The following FZD3 variants were observed in gnomAD, a reference collection of about 807,000 sequenced individuals.
The protein encoded by FZD3 is frizzled class receptor 3, also known as frizzled-3.
A neutral mutation model predicts 60.7 loss-of-function variants in FZD3; 30 were observed. That is an observed-to-expected ratio of 0.49 (90% CI 0.37 to 0.67). The LOEUF is 0.67. Among genes scored for constraint, FZD3 ranks in the 30% least tolerant of loss-of-function variants. The probability of loss-of-function intolerance (pLI) is 0.00; values close to 1 mark genes in which losing one functional copy is unlikely to be tolerated. For synonymous variants in FZD3, 246 were observed against 275.2 expected (o/e 0.89, Z 1.05); for missense variants, 605 against 838.7 (o/e 0.72, Z 3.44).
At chr8:28,554,158 A>G (rs1805462968) in intron 6 of FZD3, among the ~76,000 whole-genome samples, 1 of 152,216 alleles carries the variant, frequency 6.6e-6, no homozygotes, top group African/African-American at 2.4e-5. Flanking sequence ...ATAGATTTAA[A>G]TATTTTTAGA....
chr8:28,529,635 A>C (rs866805067), intron 5 of FZD3, among the ~76,000 whole-genome samples: 7 of 152,274 alleles, frequency 4.6e-5, no homozygotes, highest in African/African-American at 1.2e-4. Flanking sequence ...GATCACTGAG[A>C]ATGCCAATTT....
At chr8:28,542,166 G>A (rs1030210401) in intron 5 of FZD3, among the ~76,000 whole-genome samples, 7 of 136,518 alleles carry the variant, frequency 5.1e-5, no homozygotes, top group East Asian at 4.4e-4. Flanking sequence ...CTTTGACTTC[G>A]TCTCCTACCA....
At chr8:28,552,780 C>G (rs768895103) in intron 6 of FZD3, among the ~76,000 whole-genome samples, 51 of 151,968 alleles carry the variant, frequency 3.4e-4, no homozygotes, top group Non-Finnish European at 6.9e-4. Flanking sequence ...ATATTAACAT[C>G]ACAGTTTAAT....
intron 3 of FZD3, among the ~76,000 whole-genome samples, chr8:28,504,048 C>T (rs1804071684): frequency 6.6e-6 from 1 of 152,170 alleles, no homozygotes; most frequent in African/African-American, 2.4e-5. Flanking sequence ...TGATACATTA[C>T]TCTTCAGCCT....
In FZD3 at chr8:28,551,724, GT is replaced by G. The variant is rs1563404339; in HGVS notation, c.1533del (p.His512MetfsTer8). Reference protein sequence around the residue: ...GSKKTCFEWASFFHGRRKKEI... With the variant: ...GSKKTCFEWAXFFHGRRKKEI... ...AAAAAGACATGCTTTGAATGGGCCA[GT>G]TTTTTTCATGGTCGTAGGAAAAAAG... On this transcript the variant is annotated frameshift_variant, in exon 6 of 8. Coordinates refer to ENST00000240093, the MANE Select transcript of FZD3 (RefSeq NM_017412.4). LOFTEE classifies it high-confidence loss of function. 1 of 1,609,980 alleles carries G rather than the reference GT, an allele frequency of 6.2e-7. No homozygotes were observed.
At chr8:28,547,705 G>T (rs1805326610) in intron 5 of FZD3, among the ~76,000 whole-genome samples, 1 of 152,068 alleles carries the variant, frequency 6.6e-6, no homozygotes, top group Non-Finnish European at 1.5e-5. Flanking sequence ...TTTTTTAGTT[G>T]TAGGAGTTTA....
chr8:28,552,262 A>G lies in FZD3; in HGVS notation c.1553+511A>G, dbSNP rs1328775139. On this transcript the variant is annotated intron_variant, in intron 6 of 7. Transcript: ENST00000240093. ...TGTACCAAAAGTGATATAAAGAAATACTCTTATTCCATTCTAATATAGTAC... is the reference window on the plus strand; with the variant it reads ...TGTACCAAAAGTGATATAAAGAAATGCTCTTATTCCATTCTAATATAGTAC... Among the ~76,000 whole-genome samples, 7 of 152,158 alleles carry G rather than the reference A, an allele frequency of 4.6e-5. No homozygotes were observed. In the South Asian group the frequency reaches 1.2e-3, roughly 27 times the overall value.
At chr8:28,548,810 AAATC>A (rs1563403192) in intron 5 of FZD3, among the ~76,000 whole-genome samples, 1 of 152,216 alleles carries the variant, frequency 6.6e-6, no homozygotes, top group Non-Finnish European at 1.5e-5. Flanking sequence ...TTTAATAACT[AAATC>A]AAGGAGAATC....
intron 3 of FZD3, among the ~76,000 whole-genome samples, chr8:28,516,811 C>T (rs191524240): frequency 6.6e-6 from 1 of 151,272 alleles, no homozygotes; most frequent in African/African-American, 2.4e-5. Flanking sequence ...GTTTGTTTTC[C>T]TCTCTGTTAC....
intron 1 of FZD3, among the ~76,000 whole-genome samples, chr8:28,497,113 C>G (rs961383743): frequency 6.6e-6 from 1 of 152,062 alleles, no homozygotes; most frequent in Non-Finnish European, 1.5e-5. Context: ...TGATGCCTAC[C>G]ATTCGTTTAA....
intron 3 of FZD3, among the ~76,000 whole-genome samples, chr8:28,518,084 C>T (rs181539349): frequency 1.2e-3 from 190 of 152,250 alleles, no homozygotes; most frequent in African/African-American, 3.7e-3. Context: ...GTCTCCCAGG[C>T]TGAATGTAGT....
rs771004021 is a variant in FZD3, at chr8:28,565,089, G to A, written c.*2078G>A. The A allele has an allele frequency of 3.3e-5, 5 of 151,998 alleles. No homozygotes were observed. Among genetic ancestry groups the A allele is most frequent in the Non-Finnish European group, 7.4e-5 (5 of 67,984 alleles). 9.4% of individuals were successfully genotyped at this position (151,998 alleles called of 1,614,324 possible). On this transcript the variant is annotated 3_prime_UTR_variant, in exon 8 of 8. Transcript: ENST00000240093. Reference sequence around the variant, plus strand: ...TTAAAACAAACTGCCAAGAAATTAGGTGTTGAAAAAGAATATTCTCATCAG... The same window carrying A: ...TTAAAACAAACTGCCAAGAAATTAGATGTTGAAAAAGAATATTCTCATCAG...
Position 28,527,823 on chromosome 8 carries a change from G to A in FZD3, c.1063G>A (p.Asp355Asn). The part of the protein sequence containing the change: ...ILLAMNKIEG[D>N]NISGVCFVGL... ...TTTAGCGATGAATAAAATTGAAGGT[G>A]ACAATATTAGTGGCGTGTGTTTTGT... The change falls in exon 5 of 8, where the codon GAC (aspartate) becomes AAC (asparagine). Residue 355 changes from aspartate (D) to asparagine (N), a missense_variant. Physicochemically the swap from Asp to Asn is conservative, Grantham distance 23. Transcript: ENST00000240093. The surrounding 1 kb of genome is among the most constrained non-coding windows in gnomAD (Gnocchi z 5.0). 6.2e-7 allele frequency: 1 copy of A among 1,614,072 alleles called. No homozygotes were observed. The highest frequency in any genetic ancestry group is 8.5e-7 in the Non-Finnish European group (1 of 1,179,954).
At chr8:28,509,455 T>C (rs747160451) in intron 3 of FZD3, among the ~76,000 whole-genome samples, 2 of 152,130 alleles carry the variant, frequency 1.3e-5, no homozygotes, top group Non-Finnish European at 2.9e-5. Context: ...TTTATAGATA[T>C]TCCTCATTTT....
rs565349725 is a variant in FZD3, at chr8:28,534,053, T to C, written c.1404+5889T>C. On this transcript the variant is annotated intron_variant, in intron 5 of 7. Coordinates refer to ENST00000240093, the MANE Select transcript of FZD3 (RefSeq NM_017412.4). ...ATCCACAACAACCTTTTCAAATAGA[T>C]AGTATGGCTTCATTCCTGCCATTCA... is the stretch of plus-strand genomic sequence containing the variant. Among the ~76,000 whole-genome samples, 11 of 152,336 alleles carry C rather than the reference T, an allele frequency of 7.2e-5. No homozygotes were observed. The East Asian group carries it at 1.7e-3, about 24-fold the overall frequency.
intron 3 of FZD3, among the ~76,000 whole-genome samples, chr8:28,517,430 T>C (rs900701937): frequency 1.3e-5 from 2 of 152,218 alleles, no homozygotes; most frequent in African/African-American, 4.8e-5. Flanking sequence ...TTATCCTTCT[T>C]GCGGTTTGCA....
At chr8:28,525,218 A>G (rs1804686160) in intron 4 of FZD3, among the ~76,000 whole-genome samples, 1 of 152,202 alleles carries the variant, frequency 6.6e-6, no homozygotes, top group Non-Finnish European at 1.5e-5. Flanking sequence ...CTAGATGTCG[A>G]AGATGAGCAG....
In FZD3 at chr8:28,542,705, A is replaced by G. The variant is rs183926268; in HGVS notation, c.1405-8898A>G. Among the ~76,000 whole-genome samples, 7 of 152,228 alleles carry G rather than the reference A, an allele frequency of 4.6e-5. No homozygotes were observed. The East Asian group carries it at 1.4e-3, about 29-fold the overall frequency. ...CTACCACACCACACCCACACACGCT[A>G]TCCCCTACCTTGTGTTTTAGTTCTT... On this transcript the variant is annotated intron_variant, in intron 5 of 7. Transcript: ENST00000240093.
At chr8:28,556,925 G>C (rs530999720) in intron 7 of FZD3, among the ~76,000 whole-genome samples, 1 of 152,314 alleles carries the variant, frequency 6.6e-6, no homozygotes, top group East Asian at 1.9e-4. Context: ...TTTGAGAAAT[G>C]AGACACTAGA....
Sources: allele counts gnomAD v4.1 joint callset (sites outside exome capture counted in the v4.1 genomes callset), GRCh38; gene constraint gnomAD v4.1.1; non-coding constraint Gnocchi (gnomAD v3.1); transcripts MANE v1.5; gene names NCBI Gene and HGNC (gene_info 2026-07-23, HGNC 2026-07-21).